ADGRD1: variants seen among roughly 807,000 people sequenced by gnomAD.
ADGRD1 encodes G-protein coupled receptor 133.
Under a neutral mutation model 113.4 loss-of-function variants are expected in ADGRD1, and 77 were observed. The observed-to-expected ratio is 0.68, with a 90% CI of 0.57 to 0.82. The LOEUF is 0.82. Ranked by LOEUF, ADGRD1 falls within the 40% of genes least tolerant of loss-of-function variation. The probability of loss-of-function intolerance (pLI) is 0.00; values close to 1 mark genes in which losing one functional copy is unlikely to be tolerated. For synonymous variants in ADGRD1, 474 were observed against 475.0 expected (o/e 1.00, Z 0.03); for missense variants, 1,036 against 1,139.1 (o/e 0.91, Z 1.30).
At chr12:131,102,838 G>A (rs1029043475) in intron 15 of ADGRD1, among the ~76,000 whole-genome samples, 2 of 152,182 alleles carry the variant, frequency 1.3e-5, no homozygotes, top group Non-Finnish European at 2.9e-5. Flanking sequence ...GGGAGAAGGA[G>A]TAGTGGGGCT....
intron 8 of ADGRD1, among the ~76,000 whole-genome samples, chr12:130,999,823 A>G (rs1334016214): frequency 6.6e-6 from 1 of 152,182 alleles, no homozygotes; most frequent in Non-Finnish European, 1.5e-5. Context: ...TAGAAAATTC[A>G]CGTTTTCATT....
intron 13 of ADGRD1, among the ~76,000 whole-genome samples, chr12:131,046,473 GC>G (rs1882801651): frequency 2.2e-5 from 3 of 138,398 alleles, no homozygotes; most frequent in East Asian, 2.3e-4. Flanking sequence ...CCTGGTCAGC[GC>G]TCCCTCCCTG....
At chr12:131,121,928 A>C (rs1033416994) in intron 20 of ADGRD1, 2 of 152,360 alleles carry the variant, frequency 1.3e-5, no homozygotes, top group African/African-American at 2.4e-5. Flanking sequence ...ATGGAGTCGA[A>C]TGTTGGTCAG....
At chr12:131,045,726 G>A (rs766296922) in intron 13 of ADGRD1, among the ~76,000 whole-genome samples, 16 of 152,162 alleles carry the variant, frequency 1.1e-4, no homozygotes, top group African/African-American at 1.2e-4. Context: ...GTCTCATTCC[G>A]AAGATCATGC....
In ADGRD1 at chr12:131,138,146, G is replaced by A. The variant is rs368828722; in HGVS notation, c.2446G>A (p.Ala816Thr). The stretch of plus-strand genomic sequence containing the variant: ...CTTCCCCGCTTTCAAGGTGAGAGCC[G>A]CCTTCAAGCACAAAACCAAGGTCTG... ...HCLLNSEVRAAFKHKTKVWSL... is the reference protein window; with the variant it reads ...HCLLNSEVRATFKHKTKVWSL... The change falls in exon 24 of 25, where the codon GCC becomes ACC. Residue 816 changes from alanine (A) to threonine (T), a missense_variant. Physicochemically the swap from Ala to Thr is moderately conservative, Grantham distance 58. Transcript: ENST00000261654. The A allele has an allele frequency of 3.6e-5, 58 of 1,613,386 alleles. No homozygotes were observed. The highest frequency in any genetic ancestry group is 4.5e-5 in the Non-Finnish European group (53 of 1,179,856).
intron 24 of ADGRD1, among the ~76,000 whole-genome samples, chr12:131,138,951 A>G (rs1316873232): frequency 6.6e-6 from 1 of 152,136 alleles, no homozygotes; most frequent in Non-Finnish European, 1.5e-5. Context: ...CAGTGCCCTT[A>G]AGGGGAGTCA....
chr12:131,028,300 T>G (rs77229287), intron 13 of ADGRD1, among the ~76,000 whole-genome samples: 6,348 of 152,354 alleles, frequency 0.042, 339 homozygotes, highest in African/African-American at 0.12. Context: ...TGCTGTTTGC[T>G]TTTCTTTCTT....
Position 130,995,608 on chromosome 12 carries a change from A to G in ADGRD1, c.966+3216A>G, listed in dbSNP as rs191080940. Among the ~76,000 whole-genome samples, 4 of 152,310 alleles carry G rather than the reference A, an allele frequency of 2.6e-5. No individual in the cohort carries two copies. In the East Asian group the frequency reaches 7.7e-4, roughly 29 times the overall value. ...GCCTCCTCTGCAGCCAGCAGTTGCT[A>G]GCAACTCAAGGCCACCTGTCTGTAA... is the stretch of plus-strand genomic sequence containing the variant. On this transcript the variant is annotated intron_variant, in intron 8 of 24. Coordinates refer to ENST00000261654, the MANE Select transcript of ADGRD1 (RefSeq NM_198827.5).
At chr12:131,135,524 C>T (rs1261786462) in intron 21 of ADGRD1, among the ~76,000 whole-genome samples, 5 of 152,086 alleles carry the variant, frequency 3.3e-5, no homozygotes, top group South Asian at 2.1e-4. Context: ...CAGGAGGGCT[C>T]GGGTGATCAG....
At chr12:131,031,997 G>A (rs1470373494) in intron 13 of ADGRD1, among the ~76,000 whole-genome samples, 7 of 152,120 alleles carry the variant, frequency 4.6e-5, no homozygotes, top group Admixed American at 2.0e-4. Context: ...CTCTCCTATC[G>A]CAGCCTCCAC....
At position 131,040,360 on chromosome 12, in the gene ADGRD1, TG is replaced by T. The variant is rs907088082; in HGVS notation, c.1473+26021del. ...AACACAGGGTGAATCATGGTTTTGATGTGTGGTTACATATGTTTATACATTA... is the reference window on the plus strand; with the variant it reads ...AACACAGGGTGAATCATGGTTTTGATTGTGGTTACATATGTTTATACATTA... On this transcript the variant is annotated intron_variant, in intron 13 of 24. Transcript: ENST00000261654. Among the ~76,000 whole-genome samples, 38 of 152,372 alleles carry T rather than the reference TG, an allele frequency of 2.5e-4. No homozygotes were observed. In the East Asian group the frequency reaches 7.1e-3, roughly 29 times the overall value.
intron 13 of ADGRD1, among the ~76,000 whole-genome samples, chr12:131,051,768 G>A (rs1883419440): frequency 6.6e-6 from 1 of 152,206 alleles, no homozygotes; most frequent in Non-Finnish European, 1.5e-5. Context: ...TTTCAGGTGT[G>A]AGCTACCGCG....
At chr12:131,014,435 A>G in intron 13 of ADGRD1, 95 bp downstream of exon 13, 1 of 1,195,916 alleles carries the variant, frequency 8.4e-7, no homozygotes, top group East Asian at 2.6e-5. Flanking sequence ...AAGAATCTCC[A>G]ACAGCCTTGG....
intron 4 of ADGRD1, among the ~76,000 whole-genome samples, chr12:130,979,293 GTTC>G (rs1460623308): frequency 1.3e-5 from 2 of 152,240 alleles, no homozygotes; most frequent in East Asian, 1.9e-4. Context: ...TTTTTTTGAG[GTTC>G]TTCTTCTCTT....
rs1869255641 is a variant in ADGRD1 at position 130,954,402 on chromosome 12, G to A, written c.-64G>A. The A allele has an allele frequency of 1.5e-6, 2 of 1,368,210 alleles. No homozygotes were observed. Among genetic ancestry groups the A allele is most frequent in the South Asian group, 2.8e-5 (2 of 71,096 alleles). The allele number at this position is 1,368,210 out of a possible 1,614,324, so 84.8% of individuals were successfully genotyped here. A position where few individuals can be genotyped will look rare whatever the true frequency, so the allele number is the denominator to read the frequency against. The stretch of plus-strand genomic sequence containing the variant: ...TTTTCCAAGGAAGTGAAGGTTAAGA[G>A]GTCCCGTTCTCACAGACCCTCAGGA... On this transcript the variant is annotated 5_prime_UTR_variant, in exon 1 of 25. Coordinates refer to ENST00000261654, the MANE Select transcript of ADGRD1 (RefSeq NM_198827.5). The surrounding 1 kb of genome is among the most constrained non-coding windows in gnomAD (Gnocchi z 4.7).
rs560773045 is a variant in ADGRD1 at position 130,971,754 on chromosome 12, T to C, written c.310+174T>C. 3.8e-4 allele frequency among the ~76,000 whole-genome samples: 58 copies of C among 152,224 alleles called. No individual in the cohort carries two copies. Among genetic ancestry groups the C allele is most frequent in the Non-Finnish European group, 7.2e-4 (49 of 68,048 alleles). On this transcript the variant is annotated intron_variant, in intron 4 of 24. Coordinates refer to ENST00000261654, the MANE Select transcript of ADGRD1 (RefSeq NM_198827.5). This position sits in a 1 kb window ranked among gnomAD's most constrained non-coding sequence, Gnocchi z 4.2. The stretch of plus-strand genomic sequence containing the variant: ...GGAGGAATACAGGCAAGGAGGTTAC[T>C]AAGCAGAGACTTGTCCTGGTGGCTG...
At chr12:131,116,047 C>T (rs528395815) in intron 18 of ADGRD1, among the ~76,000 whole-genome samples, 17 of 152,346 alleles carry the variant, frequency 1.1e-4, no homozygotes, top group African/African-American at 4.1e-4. Context: ...CTGCCCCTCT[C>T]CTTATCCTCC....
In ADGRD1 at chr12:130,987,096, C is replaced by T; in HGVS notation, c.492C>T (p.Gly164=). 1 of 1,613,566 alleles carries T rather than the reference C, an allele frequency of 6.2e-7. No individual in the cohort carries two copies. Among genetic ancestry groups the T allele is most frequent in the Non-Finnish European group, 8.5e-7 (1 of 1,179,494 alleles). Residue 164 remains glycine (G), a splice_region_variant and synonymous_variant, in exon 6 of 25, where the codon GGC becomes GGT. Coordinates refer to ENST00000261654, the MANE Select transcript of ADGRD1 (RefSeq NM_198827.5). ...ATGGCGATCTTCACTCTTTTCCAGG[C>T]CCCTATTGGACTCATGTCCTATTTA... is the stretch of plus-strand genomic sequence containing the variant. The part of the protein sequence containing the change: ...MTWEASFSPP[G]PYWTHVLFTW...
intron 13 of ADGRD1, among the ~76,000 whole-genome samples, chr12:131,053,507 G>A (rs1411457618): frequency 2.0e-5 from 3 of 152,200 alleles, no homozygotes; most frequent in African/African-American, 7.2e-5. Context: ...GCCTGAGAAT[G>A]ACAGGTGATC....
Sources: gnomAD v4.1 joint callset for allele counts (sites outside exome capture counted in the v4.1 genomes callset) on GRCh38, gnomAD v4.1.1 for gene constraint, Gnocchi (gnomAD v3.1) non-coding constraint, MANE v1.5 for transcripts, NCBI Gene and HGNC (gene_info 2026-07-23, HGNC 2026-07-21) for gene names.